The following ITGA2 variants were observed in gnomAD, a reference collection of about 807,000 sequenced individuals.
ITGA2 encodes integrin alpha-2.
Under a neutral mutation model 146.3 loss-of-function variants are expected in ITGA2, and 101 were observed. The ratio of observed to expected loss-of-function variants is 0.69; its 90% confidence interval spans 0.59 to 0.81. The LOEUF (loss-of-function observed/expected upper bound fraction) is 0.81, where lower values mean the gene tolerates loss of function less well. Ranked by LOEUF, ITGA2 falls within the 40% of genes least tolerant of loss-of-function variation. ITGA2 has a pLI of 0.00. For synonymous variants in ITGA2, 477 were observed against 487.1 expected (o/e 0.98, Z 0.27); for missense variants, 1,281 against 1,402.7 (o/e 0.91, Z 1.39).
chr5:53,063,207 G>A (rs3212545), intron 13 of ITGA2, among the ~76,000 whole-genome samples: 15,786 of 151,808 alleles, frequency 0.1, 955 homozygotes, highest in African/African-American at 0.16. Context: ...AGTGCACATC[G>A]TTTATTGAAA....
In ITGA2 at chr5:53,056,084, T is replaced by C; in HGVS notation, c.1031T>C (p.Val344Ala). The C allele has an allele frequency of 6.2e-7, 1 of 1,612,074 alleles. No homozygotes were observed. The highest frequency in any genetic ancestry group is 8.5e-7 in the Non-Finnish European group (1 of 1,178,816). Reference protein sequence around the residue: ...SIPTERYFFNVSDEAALLEKA... With the variant: ...SIPTERYFFNASDEAALLEKA... Reference sequence around the variant, plus strand: ...CCAACAGAAAGATACTTTTTCAATGTGTCTGATGAAGCAGCTCTACTAGAA... The same window carrying C: ...CCAACAGAAAGATACTTTTTCAATGCGTCTGATGAAGCAGCTCTACTAGAA... Residue 344 changes from valine to alanine, a missense_variant, in exon 9 of 30, where the codon GTG (valine) becomes GCG (alanine). Transcript: ENST00000296585.
In ITGA2 at chr5:53,073,092, T is replaced by A. The variant is rs984966; in HGVS notation, c.2430-26T>A. On this transcript the variant is annotated intron_variant, in intron 19 of 29. Coordinates refer to ENST00000296585, the MANE Select transcript of ITGA2 (RefSeq NM_002203.4). ...CTTTTTATTTAACAGTAATGGCTTTTCCCCCCTCCTTTTTACTTTTAACAG... is the reference window on the plus strand; with the variant it reads ...CTTTTTATTTAACAGTAATGGCTTTACCCCCCTCCTTTTTACTTTTAACAG... 629,325 of 1,604,542 alleles carry A rather than the reference T, an allele frequency of 0.39. 125,230 individuals are homozygous for A. Among genetic ancestry groups the A allele is most frequent in the Admixed American group, 0.45 (26,722 of 59,750 alleles).
At chr5:53,054,483 T>C (rs148879313) in intron 7 of ITGA2, among the ~76,000 whole-genome samples, 37 of 152,260 alleles carry the variant, frequency 2.4e-4, no homozygotes, top group African/African-American at 7.0e-4. Flanking sequence ...TAAGATTTTA[T>C]CCCATTTGAA....
chr5:53,012,132 C>T (rs1044864959), intron 1 of ITGA2, among the ~76,000 whole-genome samples: 2 of 152,108 alleles, frequency 1.3e-5, no homozygotes, highest in African/African-American at 4.8e-5. Context: ...GAGATTCCCT[C>T]AGGATGAGGA....
At chr5:53,074,509 C>CT (rs780458984) in intron 21 of ITGA2, 32 bp downstream of exon 21, 6 of 1,503,054 alleles carry the variant, frequency 4.0e-6, no homozygotes, top group Non-Finnish European at 5.6e-6. Context: ...CCAATCCATA[C>CT]AAGCCCTCCT....
At chr5:53,084,619 G>C (rs2112035017) in intron 27 of ITGA2, among the ~76,000 whole-genome samples, 1 of 152,298 alleles carries the variant, frequency 6.6e-6, no homozygotes, top group East Asian at 1.9e-4. Flanking sequence ...AGTTGCATTT[G>C]CTTTCAAGTC....
Position 53,051,493 on chromosome 5 carries a change from C to G in ITGA2, c.713C>G (p.Ala238Gly). 1 of 1,613,458 alleles carries G rather than the reference C, an allele frequency of 6.2e-7. No individual in the cohort carries two copies. The highest frequency in any genetic ancestry group is 8.5e-7 in the Non-Finnish European group (1 of 1,179,570). Residue 238 changes from alanine (A) to glycine (G), a missense_variant, in exon 7 of 30, where the codon GCA becomes GGA. Ala to Gly is a moderately conservative substitution (Grantham distance 60). This residue lies in a region of ITGA2 where 795 missense variants were observed against 841.7 expected (regional missense o/e 0.94). Coordinates refer to ENST00000296585, the MANE Select transcript of ITGA2 (RefSeq NM_002203.4). Reference protein sequence around the residue: ...TYKTKEEMIVATSQTSQYGGD... With the variant: ...TYKTKEEMIVGTSQTSQYGGD... ...AAAACCAAAGAAGAAATGATTGTAG[C>G]AACATCCCAGACATCCCAATATGGT...
At chr5:53,074,225 T>C (rs1561145969) in intron 20 of ITGA2, among the ~76,000 whole-genome samples, 160 bp from the exon 21 acceptor site, 3 of 152,176 alleles carry the variant, frequency 2.0e-5, no homozygotes, top group Admixed American at 1.3e-4. Context: ...ATTAGCCACC[T>C]GGGCAGTATA....
At chr5:53,024,862 A>C (rs1029633265) in intron 1 of ITGA2, among the ~76,000 whole-genome samples, 17 of 152,230 alleles carry the variant, frequency 1.1e-4, no homozygotes, top group African/African-American at 3.1e-4. Flanking sequence ...TTGAATTTAC[A>C]GTGAGGACAT....
intron 4 of ITGA2, among the ~76,000 whole-genome samples, chr5:53,045,674 A>T (rs1205813127): frequency 6.6e-6 from 1 of 152,182 alleles, no homozygotes; most frequent in African/African-American, 2.4e-5. Context: ...AGTTAATATA[A>T]AAAAACTAGA....
chr5:53,038,222 AC>A (rs1282435647), intron 2 of ITGA2, among the ~76,000 whole-genome samples: 1 of 149,348 alleles, frequency 6.7e-6, no homozygotes, highest in Non-Finnish European at 1.5e-5. Context: ...AAAAAAAAAA[AC>A]AGTTAAATTT....
intron 2 of ITGA2, among the ~76,000 whole-genome samples, chr5:53,029,081 G>C (rs997984807): frequency 6.6e-6 from 1 of 152,172 alleles, no homozygotes; most frequent in African/African-American, 2.4e-5. Flanking sequence ...AGACCAGCCT[G>C]GTCAACATGG....
intron 1 of ITGA2, among the ~76,000 whole-genome samples, chr5:53,010,202 C>T (rs1012363696): frequency 2.0e-5 from 3 of 152,078 alleles, no homozygotes; most frequent in Admixed American, 1.3e-4. Context: ...CATAAGAAAC[C>T]TGCAAATTTT....
intron 23 of ITGA2, among the ~76,000 whole-genome samples, chr5:53,077,376 A>G (rs969097186): frequency 6.6e-6 from 1 of 151,030 alleles, no homozygotes; most frequent in Non-Finnish European, 1.5e-5. Context: ...CTGTACAGTT[A>G]TATTGTAAAA....
At position 53,058,042 on chromosome 5, in the gene ITGA2, G is replaced by A; in HGVS notation, c.1114G>A (p.Asp372Asn). ...FSIEGTVQGG[D>N]NFQMEMSQVG... Reference sequence around the variant, plus strand: ...TGTTCCAGGTACTGTTCAAGGAGGAGACAACTTTCAGATGGAAATGTCACA... The same window carrying A: ...TGTTCCAGGTACTGTTCAAGGAGGAAACAACTTTCAGATGGAAATGTCACA... The change falls in exon 10 of 30, where the codon GAC becomes AAC. Residue 372 changes from aspartate (D) to asparagine (N), a missense_variant. Around this residue, in one of 3 missense-constraint regions of ITGA2, gnomAD observed 795 missense variants for 841.7 expected, o/e 0.94. Transcript: ENST00000296585. 3.1e-6 allele frequency: 5 copies of A among 1,611,336 alleles called. No homozygotes were observed. The highest frequency in any genetic ancestry group is 4.2e-6 in the Non-Finnish European group (5 of 1,178,094).
intron 1 of ITGA2, among the ~76,000 whole-genome samples, chr5:52,989,889 T>G (rs991066902): frequency 6.6e-6 from 1 of 151,562 alleles, no homozygotes; most frequent in Non-Finnish European, 1.5e-5. Flanking sequence ...GCGGGTGTCC[T>G]GGAGACCGCG....
chr5:53,039,272 G>T (rs1743657974), intron 2 of ITGA2, among the ~76,000 whole-genome samples: 1 of 151,894 alleles, frequency 6.6e-6, no homozygotes, highest in Non-Finnish European at 1.5e-5. Context: ...GTGCTATTTT[G>T]TTCTCTACAT....
intron 2 of ITGA2, among the ~76,000 whole-genome samples, chr5:53,029,140 C>T (rs563576878): frequency 5.3e-5 from 8 of 152,208 alleles, no homozygotes; most frequent in Admixed American, 2.0e-4. Flanking sequence ...GGTGTGGTGG[C>T]GGGCGCCTGT....
Position 53,090,671 on chromosome 5 carries a change from C to A in ITGA2, c.*72C>A. ...GTTTGCTGTTTGCGTGAATGGATTTCTTTTTAAATCCCATATTTTTTTTAT... is the reference window on the plus strand; with the variant it reads ...GTTTGCTGTTTGCGTGAATGGATTTATTTTTAAATCCCATATTTTTTTTAT... On this transcript the variant is annotated 3_prime_UTR_variant, in exon 30 of 30. Coordinates refer to ENST00000296585, the MANE Select transcript of ITGA2 (RefSeq NM_002203.4). 1 of 1,112,798 alleles carries A rather than the reference C, an allele frequency of 9.0e-7. No individual in the cohort carries two copies. The highest frequency in any genetic ancestry group is 1.3e-6 in the Non-Finnish European group (1 of 750,370). 68.9% of individuals were successfully genotyped at this position (1,112,798 alleles called of 1,614,324 possible).
Sources: allele counts gnomAD v4.1 joint callset (sites outside exome capture counted in the v4.1 genomes callset), GRCh38; gene constraint gnomAD v4.1.1; regional missense constraint gnomAD v4.1.1; transcripts MANE v1.5; gene names NCBI Gene and HGNC (gene_info 2026-07-23, HGNC 2026-07-21).